ATAD3A: variants seen among roughly 807,000 people sequenced by gnomAD.
ATAD3A encodes the protein ATPase family AAA domain-containing protein 3A.
A neutral mutation model predicts 73.8 loss-of-function variants in ATAD3A; 46 were observed. The observed-to-expected ratio is 0.62, with a 90% CI of 0.49 to 0.80. The LOEUF (loss-of-function observed/expected upper bound fraction) is 0.80, where lower values mean the gene tolerates loss of function less well. ATAD3A is among the 30% of genes least tolerant of loss of function. The pLI, the probability that ATAD3A is intolerant of heterozygous loss-of-function variation, is 0.00. For synonymous variants in ATAD3A, 319 were observed against 350.0 expected (o/e 0.91, Z 0.99); for missense variants, 705 against 838.0 (o/e 0.84, Z 1.96).
At chr1:1,525,471 A>G (rs369567033) in intron 12 of ATAD3A, among the ~76,000 whole-genome samples, 180 bp downstream of exon 12, 43 of 144,398 alleles carry the variant, frequency 3.0e-4, no homozygotes, top group African/African-American at 8.8e-4. Context: ...CTGGAGTGCA[A>G]TGGCCCCATC....
intron 1 of ATAD3A, among the ~76,000 whole-genome samples, chr1:1,513,335 C>T (rs1209369191): frequency 1.3e-5 from 2 of 151,550 alleles, no homozygotes; most frequent in African/African-American, 4.8e-5. Context: ...ACTTCTCCCA[C>T]TTCCAGAAGC....
chr1:1,516,446 C>T (rs1641361081), intron 2 of ATAD3A, among the ~76,000 whole-genome samples: 1 of 152,146 alleles, frequency 6.6e-6, no homozygotes, highest in East Asian at 1.9e-4. Flanking sequence ...GAAACGGAGT[C>T]TCTGTTTCCC....
intron 14 of ATAD3A, 29 bp downstream of exon 14, chr1:1,527,891 C>T (rs1157840164): frequency 6.2e-7 from 1 of 1,601,636 alleles, no homozygotes; most frequent in Non-Finnish European, 8.5e-7. Context: ...CAGCCCCCGT[C>T]CAGGGGCCCT....
Position 1,524,964 on chromosome 1 carries a change from C to T in ATAD3A, c.1215-276C>T, listed in dbSNP as rs144441371. ...CGTGGACTCTAAGCGGCCACCAGTGCTGCACTGGGCCGGGTGGGGGTGAAG... is the reference window on the plus strand; with the variant it reads ...CGTGGACTCTAAGCGGCCACCAGTGTTGCACTGGGCCGGGTGGGGGTGAAG... On this transcript the variant is annotated intron_variant, in intron 11 of 15. Transcript: ENST00000378756. Among the ~76,000 whole-genome samples, 486 of 152,338 alleles carry T rather than the reference C, an allele frequency of 3.2e-3. 5 individuals are homozygous for T. The highest frequency in any genetic ancestry group is 0.011 in the African/African-American group (463 of 41,576).
intron 14 of ATAD3A, among the ~76,000 whole-genome samples, chr1:1,528,104 C>T (rs538141612): frequency 1.6e-4 from 24 of 152,106 alleles, no homozygotes; most frequent in Non-Finnish European, 2.4e-4. Context: ...AGATTACAGG[C>T]GCCCACCACC....
rs545110035 is a variant in ATAD3A at position 1,522,284 on chromosome 1, A to G, written c.751-460A>G. On this transcript the variant is annotated intron_variant, in intron 7 of 15. Coordinates refer to ENST00000378756, the MANE Select transcript of ATAD3A (RefSeq NM_001170535.3). Reference sequence around the variant, plus strand: ...TTGAACTCTTGACCTCAGGTGATCCACCTGCCTCAGCCTCCCAAAGTGCTG... The same window carrying G: ...TTGAACTCTTGACCTCAGGTGATCCGCCTGCCTCAGCCTCCCAAAGTGCTG... 2.6e-5 allele frequency among the ~76,000 whole-genome samples: 4 copies of G among 151,816 alleles called. No individual in the cohort carries two copies. In the South Asian group the frequency reaches 6.3e-4, roughly 24 times the overall value.
chr1:1,523,822 C>G lies in ATAD3A; in HGVS notation c.964-17C>G. On this transcript the variant is annotated splice_polypyrimidine_tract_variant and intron_variant, in intron 9 of 15. Transcript: ENST00000378756. This position sits in a 1 kb window ranked among gnomAD's most constrained non-coding sequence, Gnocchi z 5.1. ...GGGTGCACAGTGTCTCCTCCAAACCCCCGTCTTCCCCGGCAGCCCAGCCTG... is the reference window on the plus strand; with the variant it reads ...GGGTGCACAGTGTCTCCTCCAAACCGCCGTCTTCCCCGGCAGCCCAGCCTG... 1 of 1,613,864 alleles carries G rather than the reference C, an allele frequency of 6.2e-7. No homozygotes were observed. The highest frequency in any genetic ancestry group is 1.1e-5 in the South Asian group (1 of 91,092).
intron 7 of ATAD3A, among the ~76,000 whole-genome samples, chr1:1,521,774 A>G (rs1280610272): frequency 6.6e-6 from 1 of 152,208 alleles, no homozygotes; most frequent in African/African-American, 2.4e-5. Flanking sequence ...ATCTCGGCTC[A>G]CTGCAACCTC....
chr1:1,517,075 C>G, intron 2 of ATAD3A: 3 of 1,511,596 alleles, frequency 2.0e-6, no homozygotes, highest in Non-Finnish European at 2.7e-6. Context: ...AAGGGGGTGT[C>G]CGGCCTCCCT....
intron 1 of ATAD3A, among the ~76,000 whole-genome samples, chr1:1,515,034 C>G (rs1396545699): frequency 6.6e-6 from 1 of 152,148 alleles, no homozygotes; most frequent in African/African-American, 2.4e-5. Flanking sequence ...CCACTGTGCC[C>G]TGCTCTTTTT....
intron 13 of ATAD3A, 150 bp downstream of exon 13, chr1:1,526,681 G>T (rs932917178): frequency 1.3e-6 from 2 of 1,506,102 alleles, no homozygotes; most frequent in East Asian, 2.4e-5. Flanking sequence ...CCCTGGGAAC[G>T]GCCCAGCTCG....
intron 5 of ATAD3A, among the ~76,000 whole-genome samples, chr1:1,519,452 C>A (rs2100655444): frequency 1.3e-5 from 1 of 74,546 alleles, no homozygotes; most frequent in East Asian, 2.9e-4. Flanking sequence ...TGGTCTTGAA[C>A]TTCTTGATCT....
intron 1 of ATAD3A, 93 bp from the exon 2 acceptor site, chr1:1,515,919 G>A (rs1486205383): frequency 6.8e-6 from 10 of 1,470,224 alleles, no homozygotes; most frequent in South Asian, 2.4e-5. Flanking sequence ...AGGCGTGGCC[G>A]TGGATTCCAG....
intron 14 of ATAD3A, 150 bp downstream of exon 14, chr1:1,528,012 T>G: frequency 9.8e-7 from 1 of 1,016,744 alleles, no homozygotes; most frequent in Non-Finnish European, 1.4e-6. Context: ...CAGGCTGGAG[T>G]GCAGTGACAC....
At chr1:1,517,622 C>T (rs1413561378) in intron 3 of ATAD3A, 94 bp from the exon 4 acceptor site, 18 of 808,498 alleles carry the variant, frequency 2.2e-5, no homozygotes, top group Non-Finnish European at 3.3e-5. Context: ...TTGTGTGAGG[C>T]TGATGGCGCG....
chr1:1,513,202 C>G (rs1274806167), intron 1 of ATAD3A, among the ~76,000 whole-genome samples: 2 of 152,214 alleles, frequency 1.3e-5, no homozygotes, highest in African/African-American at 4.8e-5. Context: ...GGCTGGACTT[C>G]AGGGCACCTC....
Position 1,534,538 on chromosome 1 carries a change from C to A in ATAD3A, c.*466C>A. ...CCTGCTTCCCCCTGTGGCCGGCATGCCCCGATCTTTCACACACTGGTGACC... is the reference window on the plus strand; with the variant it reads ...CCTGCTTCCCCCTGTGGCCGGCATGACCCGATCTTTCACACACTGGTGACC... On this transcript the variant is annotated 3_prime_UTR_variant, in exon 16 of 16. Transcript: ENST00000378756. 1 of 459,992 alleles carries A rather than the reference C, an allele frequency of 2.2e-6. No homozygotes were observed. The allele number at this position is 459,992 out of a possible 1,614,324, so 28.5% of individuals were successfully genotyped here.
chr1:1,527,607 C>G (rs1286752611), intron 13 of ATAD3A, 88 bp from the exon 14 acceptor site: 35 of 1,473,436 alleles, frequency 2.4e-5, no homozygotes, highest in African/African-American at 5.7e-5. Flanking sequence ...ACTTTAGGTT[C>G]TCCCTGTGGG....
At position 1,520,910 on chromosome 1, in the gene ATAD3A, A is replaced by G. The variant is rs1198879096; in HGVS notation, c.750+293A>G. 2.0e-5 allele frequency among the ~76,000 whole-genome samples: 3 copies of G among 152,124 alleles called. No individual in the cohort carries two copies. Among genetic ancestry groups the G allele is most frequent in the Non-Finnish European group, 4.4e-5 (3 of 68,000 alleles). ...GTCCCACTACTCAAGAGGCTGAGGT[A>G]GGAGGATCACTTAAGCCCAGGGAGG... is the stretch of plus-strand genomic sequence containing the variant. On this transcript the variant is annotated intron_variant, in intron 7 of 15. Transcript: ENST00000378756. The surrounding 1 kb of genome is among the most constrained non-coding windows in gnomAD (Gnocchi z 4.0).
Sources: gnomAD v4.1 joint callset for allele counts (sites outside exome capture counted in the v4.1 genomes callset) on GRCh38, gnomAD v4.1.1 for gene constraint, Gnocchi (gnomAD v3.1) non-coding constraint, MANE v1.5 for transcripts, NCBI Gene and HGNC (gene_info 2026-07-23, HGNC 2026-07-21) for gene names.